DOCK5: variants seen among roughly 807,000 people sequenced by gnomAD.
DOCK5 encodes dedicator of cytokinesis protein 5.
A neutral mutation model predicts 251.8 loss-of-function variants in DOCK5; 142 were observed. The ratio of observed to expected loss-of-function variants is 0.56; its 90% confidence interval spans 0.49 to 0.65. DOCK5 has a LOEUF of 0.65. DOCK5 is among the 30% of genes least tolerant of loss of function. The probability of loss-of-function intolerance (pLI) is 0.00; values close to 1 mark genes in which losing one functional copy is unlikely to be tolerated. For missense variants in DOCK5, 2,111 were observed against 2,312.3 expected, an observed-to-expected ratio of 0.91 and a Z score of 1.79; for synonymous variants, 842 against 835.5, an observed-to-expected ratio of 1.01 and a Z score of -0.13.
At chr8:25,355,095 A>C (rs906770339) in intron 27 of DOCK5, among the ~76,000 whole-genome samples, 2 of 152,170 alleles carry the variant, frequency 1.3e-5, no homozygotes, top group Non-Finnish European at 2.9e-5. Context: ...TTAGCCAGGC[A>C]TGGCAGCATG....
intron 40 of DOCK5, among the ~76,000 whole-genome samples, chr8:25,384,422 A>ATAT (rs1370156483): frequency 2.1e-5 from 3 of 142,328 alleles, no homozygotes. Context: ...TTATGTCTTA[A>ATAT]TATTATTATT....
chr8:25,363,933 C>G (rs2117272306), intron 29 of DOCK5, among the ~76,000 whole-genome samples: 2 of 152,316 alleles, frequency 1.3e-5, no homozygotes, highest in East Asian at 3.9e-4. Flanking sequence ...TTTCCATACC[C>G]CATTCAAACC....
At chr8:25,198,790 C>T (rs1801798638) in intron 1 of DOCK5, among the ~76,000 whole-genome samples, 1 of 152,142 alleles carries the variant, frequency 6.6e-6, no homozygotes, top group African/African-American at 2.4e-5. Flanking sequence ...TTTCAACTTG[C>T]TGTCTATCTT....
At position 25,345,734 on chromosome 8, in the gene DOCK5, G is replaced by A. The variant is rs561183280; in HGVS notation, c.2754+123G>A. 24 of 1,375,972 alleles carry A rather than the reference G, an allele frequency of 1.7e-5. No individual in the cohort carries two copies. In the South Asian group the frequency reaches 2.8e-4, roughly 16 times the overall value. 85.2% of individuals were successfully genotyped at this position (1,375,972 alleles called of 1,614,324 possible). On this transcript the variant is annotated intron_variant, in intron 26 of 51. Transcript: ENST00000276440. ...CAGCTCCGGTATTAGGGCAGGCTGTGCCCATTTTAGAGATAATTAGGGAGG... is the reference window on the plus strand; with the variant it reads ...CAGCTCCGGTATTAGGGCAGGCTGTACCCATTTTAGAGATAATTAGGGAGG...
At chr8:25,296,422 CTA>C in intron 6 of DOCK5, 89 bp from the exon 7 acceptor site, 1 of 1,488,984 alleles carries the variant, frequency 6.7e-7, no homozygotes, top group African/African-American at 1.4e-5. Context: ...CCCTTTCTAA[CTA>C]TGGATCCTCT....
intron 3 of DOCK5, among the ~76,000 whole-genome samples, chr8:25,274,474 A>G (rs1803992091): frequency 6.6e-6 from 1 of 152,190 alleles, no homozygotes; most frequent in South Asian, 2.1e-4. Context: ...TAACACTCAC[A>G]TCTGGGACTT....
Position 25,280,248 on chromosome 8 carries a change from G to A in DOCK5, c.321+1583G>A, listed in dbSNP as rs76229239. Among the ~76,000 whole-genome samples, 817 of 152,248 alleles carry A rather than the reference G, an allele frequency of 5.4e-3. 4 individuals are homozygous for A. The highest frequency in any genetic ancestry group is 0.019 in the African/African-American group (769 of 41,538). On this transcript the variant is annotated intron_variant, in intron 5 of 51. Coordinates refer to ENST00000276440, the MANE Select transcript of DOCK5 (RefSeq NM_024940.8). ...AGGGAGGTTGTAGACCAGACTTGAT[G>A]GCCTGGGAACCCTCCTCTTTTCTTT... is the stretch of plus-strand genomic sequence containing the variant.
intron 14 of DOCK5, among the ~76,000 whole-genome samples, chr8:25,318,004 G>A (rs1381946703): frequency 6.6e-6 from 1 of 152,198 alleles, no homozygotes; most frequent in Non-Finnish European, 1.5e-5. Flanking sequence ...GCAGAGCTGG[G>A]AGGGTATCTA....
chr8:25,308,255 A>G (rs1038633705), intron 11 of DOCK5, among the ~76,000 whole-genome samples: 4 of 152,104 alleles, frequency 2.6e-5, no homozygotes, highest in African/African-American at 7.2e-5. Flanking sequence ...TTGTCATCAC[A>G]TGGAAATCTG....
rs774385512 is a variant in DOCK5 at position 25,341,792 on chromosome 8, T to G, written c.2493T>G (p.Phe831Leu). The G allele has an allele frequency of 1.3e-6, 2 of 1,570,998 alleles. No homozygotes were observed. The highest frequency in any genetic ancestry group is 2.3e-5 in the South Asian group (2 of 85,558). Residue 831 changes from phenylalanine to leucine, a missense_variant, in exon 24 of 52, where the codon TTT becomes TTG. By Grantham distance (22) the Phe-to-Leu change is conservative (BLOSUM62 0). Around this residue, in one of 3 missense-constraint regions of DOCK5, gnomAD observed 1,717 missense variants for 1,892.4 expected, o/e 0.91. Coordinates refer to ENST00000276440, the MANE Select transcript of DOCK5 (RefSeq NM_024940.8). ...TAATTAATGATGTCAAACTTGTATT[T>G]GATCCTGTTGAGCTCAGGTAAATAG... is the stretch of plus-strand genomic sequence containing the variant. Reference protein sequence around the residue: ...PSIINDVKLVFDPVELSVLFC... With the variant: ...PSIINDVKLVLDPVELSVLFC...
chr8:25,249,733 C>T (rs899230075), intron 2 of DOCK5, among the ~76,000 whole-genome samples: 11 of 152,164 alleles, frequency 7.2e-5, no homozygotes, highest in Admixed American at 3.9e-4. Context: ...ACTATAGGTG[C>T]ACACCGCTAC....
intron 40 of DOCK5, among the ~76,000 whole-genome samples, 176 bp downstream of exon 40, chr8:25,382,954 C>T (rs1030363075): frequency 1.6e-5 from 2 of 122,716 alleles, no homozygotes; most frequent in Non-Finnish European, 3.7e-5. Flanking sequence ...CCCGGACACC[C>T]GTGGTGTTCT....
At chr8:25,387,204 A>AGAGGC (rs1554505752) in intron 40 of DOCK5, among the ~76,000 whole-genome samples, 1 of 149,008 alleles carries the variant, frequency 6.7e-6, no homozygotes, top group Non-Finnish European at 1.5e-5. Context: ...TTTTTTTTTA[A>AGAGGC]GAGGTCTCGC....
intron 5 of DOCK5, among the ~76,000 whole-genome samples, chr8:25,288,512 A>T (rs568101832): frequency 9.8e-5 from 15 of 152,330 alleles, no homozygotes; most frequent in African/African-American, 3.6e-4. Context: ...TGTCTAATGT[A>T]ACTGAGACTA....
At chr8:25,250,998 G>GT (rs1803254714) in intron 2 of DOCK5, among the ~76,000 whole-genome samples, 1 of 152,164 alleles carries the variant, frequency 6.6e-6, no homozygotes, top group South Asian at 2.1e-4. Context: ...ATAGTACCTT[G>GT]TATGTGTCAG....
intron 44 of DOCK5, among the ~76,000 whole-genome samples, chr8:25,395,285 G>A (rs1014031026): frequency 2.6e-5 from 4 of 152,132 alleles, no homozygotes; most frequent in African/African-American, 7.2e-5. Flanking sequence ...ATGGAGAGTG[G>A]CTATAAATAC....
intron 26 of DOCK5, among the ~76,000 whole-genome samples, chr8:25,349,095 G>C (rs1800422003): frequency 6.6e-6 from 1 of 152,160 alleles, no homozygotes; most frequent in Non-Finnish European, 1.5e-5. Context: ...AAGTGAAGGA[G>C]GAAGAGAAGA....
At chr8:25,368,761 G>T in intron 33 of DOCK5, 36 bp downstream of exon 33, 4 of 1,590,156 alleles carry the variant, frequency 2.5e-6, no homozygotes, top group Non-Finnish European at 3.4e-6. Flanking sequence ...TTAGTAAATG[G>T]ACATATAGTC....
intron 3 of DOCK5, chr8:25,270,814 A>G (rs1296316335): frequency 1.4e-6 from 1 of 713,530 alleles, no homozygotes; most frequent in Non-Finnish European, 2.6e-6. Context: ...GACCCCCACA[A>G]TACCGAAATC....
Sources: gnomAD v4.1 joint callset for allele counts (sites outside exome capture counted in the v4.1 genomes callset) on GRCh38, gnomAD v4.1.1 for gene constraint, gnomAD v4.1.1 regional missense constraint, MANE v1.5 for transcripts, NCBI Gene and HGNC (gene_info 2026-07-23, HGNC 2026-07-21) for gene names.